The following PLXDC2 variants were observed in gnomAD, a reference collection of about 807,000 sequenced individuals.
PLXDC2 encodes the protein plexin domain containing 2.
PLXDC2 carries 40 observed loss-of-function variants against 68.9 expected under a neutral mutation model. That is an observed-to-expected ratio of 0.58 (90% CI 0.45 to 0.76). PLXDC2 has a LOEUF of 0.76. Ranked by LOEUF, PLXDC2 falls within the 30% of genes least tolerant of loss-of-function variation. PLXDC2 has a pLI of 0.00. For synonymous variants in PLXDC2, 243 were observed against 234.2 expected (o/e 1.04, Z -0.34); for missense variants, 644 against 661.9 (o/e 0.97, Z 0.30).
intron 1 of PLXDC2, among the ~76,000 whole-genome samples, chr10:19,878,646 G>T (rs149696527): frequency 6.6e-6 from 1 of 152,054 alleles, no homozygotes; most frequent in African/African-American, 2.4e-5. Flanking sequence ...CCTTACCCCC[G>T]ACAGTTAATT....
intron 1 of PLXDC2, among the ~76,000 whole-genome samples, chr10:19,990,049 G>C (rs112822861): frequency 0.025 from 3,870 of 152,074 alleles, 66 homozygotes; most frequent in South Asian, 0.086. Flanking sequence ...CACCTGGCCA[G>C]TGTTTTTAAT....
At chr10:20,149,729 G>A (rs1287935557) in intron 6 of PLXDC2, among the ~76,000 whole-genome samples, 1 of 151,996 alleles carries the variant, frequency 6.6e-6, no homozygotes, top group African/African-American at 2.4e-5. Flanking sequence ...GCTCCATCCA[G>A]GTCCCTACAG....
chr10:20,172,461 T>C (rs189716337), intron 7 of PLXDC2, among the ~76,000 whole-genome samples: 2 of 152,296 alleles, frequency 1.3e-5, no homozygotes, highest in South Asian at 2.1e-4. Context: ...CCTCTGCTGG[T>C]TACGATTCTC....
At chr10:20,169,410 C>A (rs1420411463) in intron 7 of PLXDC2, among the ~76,000 whole-genome samples, 1 of 152,160 alleles carries the variant, frequency 6.6e-6, no homozygotes, top group African/African-American at 2.4e-5. Flanking sequence ...GTCATATATT[C>A]ATGTGTTGTT....
intron 1 of PLXDC2, among the ~76,000 whole-genome samples, chr10:19,869,195 G>C (rs1351166268): frequency 6.6e-6 from 1 of 152,202 alleles, no homozygotes; most frequent in East Asian, 1.9e-4. Flanking sequence ...TCAGGAGTTT[G>C]AGACCAGCTT....
intron 3 of PLXDC2, among the ~76,000 whole-genome samples, chr10:20,048,262 T>C (rs991255364): frequency 3.9e-5 from 6 of 152,074 alleles, no homozygotes; most frequent in African/African-American, 1.4e-4. Flanking sequence ...AAATGGAAAT[T>C]AAGAATAGTA....
At chr10:20,249,955 G>A (rs2065456) in intron 13 of PLXDC2, among the ~76,000 whole-genome samples, 70,134 of 151,920 alleles carry the variant, frequency 0.46, 17,746 homozygotes, top group Middle Eastern at 0.62. Flanking sequence ...GCTAAACAGC[G>A]TATATAATAT....
intron 12 of PLXDC2, among the ~76,000 whole-genome samples, chr10:20,244,651 T>G (rs1032956522): frequency 2.1e-4 from 32 of 152,230 alleles, no homozygotes; most frequent in African/African-American, 6.8e-4. Flanking sequence ...ATTTAAAATT[T>G]CCAAAAGAAA....
intron 7 of PLXDC2, among the ~76,000 whole-genome samples, chr10:20,174,346 C>A (rs986522485): frequency 3.3e-5 from 5 of 151,964 alleles, no homozygotes; most frequent in African/African-American, 9.7e-5. Context: ...CTTCATGAAA[C>A]CTTACTATGT....
At chr10:20,160,324 A>G (rs745648085) in intron 6 of PLXDC2, among the ~76,000 whole-genome samples, 2 of 152,142 alleles carry the variant, frequency 1.3e-5, no homozygotes, top group African/African-American at 4.8e-5. Flanking sequence ...TCATTAACCC[A>G]TGAATATGTA....
chr10:20,013,847 A>C (rs1020600791), intron 2 of PLXDC2, among the ~76,000 whole-genome samples: 4 of 152,294 alleles, frequency 2.6e-5, no homozygotes, highest in African/African-American at 9.6e-5. Flanking sequence ...ATACTGCTTT[A>C]TTTCTTTTAC....
At chr10:20,110,383 T>A (rs1196036817) in intron 4 of PLXDC2, among the ~76,000 whole-genome samples, 1 of 152,204 alleles carries the variant, frequency 6.6e-6, no homozygotes, top group Non-Finnish European at 1.5e-5. Context: ...CCTTTCACCA[T>A]AAATTTGTTG....
At chr10:19,873,628 C>G (rs527395397) in intron 1 of PLXDC2, among the ~76,000 whole-genome samples, 1 of 152,056 alleles carries the variant, frequency 6.6e-6, no homozygotes, top group South Asian at 2.1e-4. Flanking sequence ...AAGTATGATC[C>G]TTTGCACATT....
intron 1 of PLXDC2, among the ~76,000 whole-genome samples, chr10:19,836,581 C>T (rs78659746): frequency 0.013 from 1,933 of 152,244 alleles, 27 homozygotes; most frequent in East Asian, 0.032. Flanking sequence ...AGAATCTCAT[C>T]TTAAGAAGTG....
chr10:19,920,633 A>G (rs1833444870), intron 1 of PLXDC2, among the ~76,000 whole-genome samples: 1 of 152,114 alleles, frequency 6.6e-6, no homozygotes, highest in African/African-American at 2.4e-5. Context: ...GGCTGCCCCC[A>G]TCTGCTCAGA....
rs147914096 is a variant in PLXDC2, at chr10:19,847,957, T to A, written c.112+30766T>A. Among the ~76,000 whole-genome samples, 1,139 of 152,224 alleles carry A rather than the reference T, an allele frequency of 7.5e-3. 17 individuals carry two copies. The highest frequency in any genetic ancestry group is 0.026 in the African/African-American group (1,079 of 41,536). On this transcript the variant is annotated intron_variant, in intron 1 of 13. Transcript: ENST00000377252. ...ACTATTCATTGTATATACCTACCGA[T>A]TGCTAGGCAGTTAGATGCCAGTGTT... is the stretch of plus-strand genomic sequence containing the variant.
At chr10:20,003,280 G>C (rs1834972692) in intron 2 of PLXDC2, among the ~76,000 whole-genome samples, 1 of 152,194 alleles carries the variant, frequency 6.6e-6, no homozygotes. Flanking sequence ...CTCAGGCACG[G>C]CTTCGGCTGC....
At chr10:19,819,818 G>A (rs556312491) in intron 1 of PLXDC2, among the ~76,000 whole-genome samples, 2 of 152,170 alleles carry the variant, frequency 1.3e-5, no homozygotes, top group African/African-American at 4.8e-5. Flanking sequence ...CATTTGTAGA[G>A]TTTGTTATGA....
intron 1 of PLXDC2, among the ~76,000 whole-genome samples, chr10:19,899,557 T>C (rs761663957): frequency 6.6e-6 from 1 of 152,172 alleles, no homozygotes; most frequent in Non-Finnish European, 1.5e-5. Context: ...AAAGGACCTT[T>C]GAAGCTTGAG....
Sources: gnomAD v4.1 joint callset for allele counts (sites outside exome capture counted in the v4.1 genomes callset) on GRCh38, gnomAD v4.1.1 for gene constraint, MANE v1.5 for transcripts, NCBI Gene and HGNC (gene_info 2026-07-23, HGNC 2026-07-21) for gene names.